Variants in KPNA7 observed in about 807,000 individuals in gnomAD.
The protein encoded by KPNA7 is karyopherin subunit alpha 7, also known as importin subunit alpha-8.
Under a neutral mutation model 53.7 loss-of-function variants are expected in KPNA7, and 54 were observed. The observed-to-expected ratio is 1.01, with a 90% CI of 0.81 to 1.26. KPNA7 has a LOEUF of 1.26. Among genes scored for constraint, KPNA7 ranks in the 50% most tolerant of loss-of-function variants. KPNA7 has a pLI of 0.00. For missense variants in KPNA7, 640 were observed against 644.5 expected (o/e 0.99, Z 0.07); for synonymous variants, 276 against 259.3 (o/e 1.06, Z -0.62).
At chr7:99,210,875 T>G (rs1334480709), upstream of KPNA7, among the ~76,000 whole-genome samples, 1 of 151,986 alleles carries the variant, frequency 6.6e-6, no homozygotes, top group Non-Finnish European at 1.5e-5. Flanking sequence ...CATGAGCCAC[T>G]GCACCTGGCC....
chr7:99,150,518 G>A, the KPNA7 span, among the ~76,000 whole-genome samples: 3 of 150,952 alleles, frequency 2.0e-5, no homozygotes, highest in African/African-American at 7.3e-5. Context: ...GGGTTCAAGC[G>A]ATTCTCCTGC....
At chr7:99,198,709 A>G (rs930314023) in intron 3 of KPNA7, among the ~76,000 whole-genome samples, 1 of 152,220 alleles carries the variant, frequency 6.6e-6, no homozygotes, top group African/African-American at 2.4e-5. Context: ...TTCCCCCAAG[A>G]TCAGGAATAA....
chr7:99,182,389 G>A (rs1789306478), intron 8 of KPNA7, among the ~76,000 whole-genome samples: 1 of 152,110 alleles, frequency 6.6e-6, no homozygotes, highest in Admixed American at 6.6e-5. Flanking sequence ...AGTAGAGACA[G>A]GTTTCACCAT....
intron 2 of KPNA7, 141 bp from the exon 3 acceptor site, chr7:99,203,381 T>A: frequency 1.4e-6 from 1 of 739,264 alleles, no homozygotes. Flanking sequence ...AGTTAGTAAA[T>A]CATCTCAGCT....
At chr7:99,191,431 G>A (rs1056982306) in intron 6 of KPNA7, among the ~76,000 whole-genome samples, 3 of 152,066 alleles carry the variant, frequency 2.0e-5, no homozygotes, top group Non-Finnish European at 2.9e-5. Flanking sequence ...TACCGCATCC[G>A]GCCTCTCTCT....
In KPNA7 at chr7:99,188,540, C is replaced by T. The variant is rs1397313357; in HGVS notation, c.660G>A (p.Thr220=). ...TLPITFLRNI[T]WTLSNLCRNK... is the part of the protein sequence containing the mutation. ...TTCGGCACAGATTCGACAAGGTCCA[C>T]GTGATGTTCCGCAGAAATGTGATCT... Residue 220 remains threonine (T), a synonymous_variant, in exon 7 of 11, where the codon ACG becomes ACA. Transcript: ENST00000327442. The T allele has an allele frequency of 1.9e-5, 29 of 1,551,396 alleles. No individual in the cohort carries two copies. Among genetic ancestry groups the T allele is most frequent in the Admixed American group, 5.9e-5 (3 of 50,956 alleles).
chr7:99,197,868 T>C (rs1051932495), intron 3 of KPNA7, among the ~76,000 whole-genome samples: 2 of 151,910 alleles, frequency 1.3e-5, no homozygotes, highest in Admixed American at 6.6e-5. Context: ...TACCAACAAA[T>C]GCAGAATAGG....
chr7:99,169,581 C>T (rs758620565), downstream of KPNA7, among the ~76,000 whole-genome samples: 9 of 151,884 alleles, frequency 5.9e-5, no homozygotes, highest in Non-Finnish European at 1.0e-4. Context: ...TGCACCACTG[C>T]ACTCCAGCCT....
At chr7:99,192,794 A>G (rs1344769922) in intron 6 of KPNA7, among the ~76,000 whole-genome samples, 2 of 151,948 alleles carry the variant, frequency 1.3e-5, no homozygotes, top group Non-Finnish European at 2.9e-5. Context: ...CAATTTCCCA[A>G]CATTAGAATT....
At chr7:99,153,953 G>A in the KPNA7 span, among the ~76,000 whole-genome samples, 2 of 151,824 alleles carry the variant, frequency 1.3e-5, no homozygotes, top group Non-Finnish European at 2.9e-5. Flanking sequence ...GGGTGACAGA[G>A]AGTCTCTAAA....
the KPNA7 span, among the ~76,000 whole-genome samples, chr7:99,156,925 C>G: frequency 7.9e-6 from 1 of 126,120 alleles, no homozygotes; most frequent in Non-Finnish European, 1.9e-5. Flanking sequence ...AGATGGTAAG[C>G]CTCCTGAATT....
chr7:99,157,732 T>C, the KPNA7 span, among the ~76,000 whole-genome samples: 1 of 152,188 alleles, frequency 6.6e-6, no homozygotes, highest in Non-Finnish European at 1.5e-5. Context: ...ACGCAAGCCA[T>C]TGTGATTCTT....
At chr7:99,150,423 C>CTTTTTTTTTTT in the KPNA7 span, among the ~76,000 whole-genome samples, 7,026 of 132,308 alleles carry the variant, frequency 0.053, 451 homozygotes, top group East Asian at 0.17. Context: ...TCATTCTTCT[C>CTTTTTTTTTTT]TTTTTTTTGA....
At chr7:99,206,034 T>A (rs990783283) in intron 2 of KPNA7, among the ~76,000 whole-genome samples, 1 of 152,198 alleles carries the variant, frequency 6.6e-6, no homozygotes, top group Admixed American at 6.5e-5. Context: ...CTACAAGGCA[T>A]GCCTGTTGGC....
chr7:99,180,901 A>C (rs1011998132), intron 9 of KPNA7, among the ~76,000 whole-genome samples: 138 of 1,876 alleles, frequency 0.074, 5 homozygotes, highest in African/African-American at 0.12. Context: ...CTCTCTCCCC[A>C]TCTCTCTCTC....
chr7:99,151,306 T>A, the KPNA7 span, among the ~76,000 whole-genome samples: 2 of 152,190 alleles, frequency 1.3e-5, no homozygotes, highest in African/African-American at 4.8e-5. Context: ...GTCCATAGAA[T>A]GGCTTTAAGA....
At chr7:99,190,036 T>C (rs1789852303) in intron 6 of KPNA7, among the ~76,000 whole-genome samples, 1 of 152,014 alleles carries the variant, frequency 6.6e-6, no homozygotes, top group South Asian at 2.1e-4. Context: ...TAGTCAGCCC[T>C]TTCTTTTTGA....
chr7:99,184,773 C>T (rs1789488742), intron 8 of KPNA7, among the ~76,000 whole-genome samples, 156 bp downstream of exon 8: 2 of 152,124 alleles, frequency 1.3e-5, no homozygotes, highest in South Asian at 4.1e-4. Context: ...TGGAACGCCC[C>T]CTTCCTTTTT....
chr7:99,163,381 A>ATCTT, the KPNA7 span, among the ~76,000 whole-genome samples: 1 of 58,894 alleles, frequency 1.7e-5, no homozygotes, highest in Non-Finnish European at 3.0e-5. Flanking sequence ...ATATATATAT[A>ATCTT]TATTTTTTTT....
Sources: gnomAD v4.1 joint callset for allele counts (sites outside exome capture counted in the v4.1 genomes callset) on GRCh38, gnomAD v4.1.1 for gene constraint, MANE v1.5 for transcripts, NCBI Gene and HGNC (gene_info 2026-07-23, HGNC 2026-07-21) for gene names.